MALRD1: variants seen among roughly 807,000 people sequenced by gnomAD.
The protein encoded by MALRD1 is MAM and LDL-receptor class A domain-containing protein 1.
Under a neutral mutation model 242.1 loss-of-function variants are expected in MALRD1, and 247 were observed. That is an observed-to-expected ratio of 1.02 (90% CI 0.92 to 1.13). The LOEUF (loss-of-function observed/expected upper bound fraction) is 1.13. MALRD1 is among the 50% of genes most tolerant of loss of function. MALRD1 has a pLI of 0.00. For synonymous variants in MALRD1, 995 were observed against 866.6 expected (o/e 1.15, Z -2.60); for missense variants, 2,989 against 2,533.1 (o/e 1.18, Z -3.86).
intron 35 of MALRD1, among the ~76,000 whole-genome samples, chr10:19,615,506 G>T: frequency 3.4e-5 from 1 of 29,656 alleles, no homozygotes; most frequent in Non-Finnish European, 4.9e-5. Flanking sequence ...GACAGAGCAA[G>T]ACCCTGCCTC....
chr10:19,707,990 T>C lies in MALRD1; in HGVS notation c.6314+15436T>C, dbSNP rs1465289386. Among the ~76,000 whole-genome samples, 93 of 118,360 alleles carry C rather than the reference T, an allele frequency of 7.9e-4. 9 individuals are homozygous for C. Among genetic ancestry groups the C allele is most frequent in the African/African-American group, 2.2e-3 (82 of 37,596 alleles). The allele number at this position is 118,360 out of a possible 152,430, so 77.6% of individuals were successfully genotyped here. A position where few individuals can be genotyped will look rare whatever the true frequency, so the allele number is the denominator to read the frequency against. The stretch of plus-strand genomic sequence containing the variant: ...TATGTATTATTTTTCATTATACCTT[T>C]AATATAAAATTTAATTATAAAATTA... On this transcript the variant is annotated intron_variant, in intron 38 of 39. Transcript: ENST00000454679.
rs146898931 is a variant in MALRD1 at position 19,511,504 on chromosome 10, C to T, written c.5320+12858C>T. Among the ~76,000 whole-genome samples the T allele has an allele frequency of 1.4e-4, 22 of 152,266 alleles. No homozygotes were observed. The East Asian group carries it at 1.5e-3, about 11-fold the overall frequency. On this transcript the variant is annotated intron_variant, in intron 31 of 39. Coordinates refer to ENST00000454679, the MANE Select transcript of MALRD1 (RefSeq NM_001142308.3). ...GGGTTATATATTTGTCTACAAAATG[C>T]CAAACTATTTTTTGTTGTTCTTATT...
chr10:19,714,742 G>A (rs1481735184), intron 38 of MALRD1, among the ~76,000 whole-genome samples: 1 of 152,078 alleles, frequency 6.6e-6, no homozygotes, highest in Non-Finnish European at 1.5e-5. Flanking sequence ...GCAAAACAGG[G>A]AACGTGAAGA....
chr10:19,178,784 C>T (rs891596893), intron 14 of MALRD1, among the ~76,000 whole-genome samples: 7 of 152,258 alleles, frequency 4.6e-5, no homozygotes, highest in Non-Finnish European at 5.9e-5. Flanking sequence ...CAGGAAGATA[C>T]GCGATTTTCC....
At chr10:19,329,836 A>T (rs1291628195) in intron 23 of MALRD1, among the ~76,000 whole-genome samples, 1 of 152,150 alleles carries the variant, frequency 6.6e-6, no homozygotes, top group African/African-American at 2.4e-5. Flanking sequence ...GGGAATCCCA[A>T]CCAACCTTAT....
chr10:19,653,721 C>T (rs1840995682), intron 36 of MALRD1, among the ~76,000 whole-genome samples: 1 of 151,970 alleles, frequency 6.6e-6, no homozygotes. Flanking sequence ...CTTCTGTAAG[C>T]AGGTAACTCA....
chr10:19,591,503 T>A (rs1033919024), intron 33 of MALRD1, among the ~76,000 whole-genome samples: 7 of 150,628 alleles, frequency 4.6e-5, no homozygotes, highest in Non-Finnish European at 8.9e-5. Flanking sequence ...TTTAGTTTTT[T>A]TTTTTTTTTT....
intron 22 of MALRD1, among the ~76,000 whole-genome samples, chr10:19,325,347 A>G (rs886864271): frequency 4.0e-5 from 6 of 151,766 alleles, no homozygotes; most frequent in African/African-American, 1.5e-4. Flanking sequence ...CCAAGATGTT[A>G]CAAACTTCAC....
intron 32 of MALRD1, among the ~76,000 whole-genome samples, chr10:19,561,704 G>T (rs1446657921): frequency 1.6e-5 from 2 of 121,268 alleles, no homozygotes; most frequent in African/African-American, 3.3e-5. Flanking sequence ...CTTTACAATT[G>T]CCTCTCAGCA....
At chr10:19,398,450 G>A (rs1023654557) in intron 28 of MALRD1, among the ~76,000 whole-genome samples, 5 of 152,038 alleles carry the variant, frequency 3.3e-5, no homozygotes, top group East Asian at 1.9e-4. Flanking sequence ...TTTTAAAGGC[G>A]TGATGAACAT....
At chr10:19,171,498 A>G (rs1028722627) in intron 13 of MALRD1, among the ~76,000 whole-genome samples, 12 of 140,026 alleles carry the variant, frequency 8.6e-5, no homozygotes, top group Non-Finnish European at 1.5e-4. Context: ...ACACACACAT[A>G]TATATGTGTC....
rs565440162 is a variant in MALRD1 at position 19,490,691 on chromosome 10, C to G, written c.5030-826C>G. Among the ~76,000 whole-genome samples the G allele has an allele frequency of 6.0e-5, 9 of 151,044 alleles. No homozygotes were observed. In the East Asian group the frequency reaches 1.8e-3, roughly 30 times the overall value. ...ATATCAAATTAAATTCAGATCATCA[C>G]GCAAAAGACACAATACATGCTATTT... is the stretch of plus-strand genomic sequence containing the variant. On this transcript the variant is annotated intron_variant, in intron 29 of 39. Coordinates refer to ENST00000454679, the MANE Select transcript of MALRD1 (RefSeq NM_001142308.3).
At chr10:19,466,258 T>C (rs970012781) in intron 29 of MALRD1, among the ~76,000 whole-genome samples, 1 of 152,156 alleles carries the variant, frequency 6.6e-6, no homozygotes, top group African/African-American at 2.4e-5. Flanking sequence ...AATATGTTTT[T>C]CTTGATTTTC....
intron 33 of MALRD1, among the ~76,000 whole-genome samples, chr10:19,588,081 A>G (rs1837537579): frequency 6.6e-6 from 1 of 152,148 alleles, no homozygotes; most frequent in Admixed American, 6.5e-5. Context: ...AAAGACCTGT[A>G]GGATGCATAT....
At chr10:19,243,678 C>T (rs1838906559) in intron 18 of MALRD1, among the ~76,000 whole-genome samples, 2 of 152,106 alleles carry the variant, frequency 1.3e-5, no homozygotes, top group Admixed American at 1.3e-4. Flanking sequence ...AACCAACACT[C>T]TTGGGTCTTT....
rs999859527 is a variant in MALRD1, at chr10:19,595,135, A to G, written c.5681-59A>G. On this transcript the variant is annotated intron_variant, in intron 33 of 39. Coordinates refer to ENST00000454679, the MANE Select transcript of MALRD1 (RefSeq NM_001142308.3). ...AAGAAATGCAACCTGTAATGTCCCA[A>G]CACTGGATGGAGGGAAACTCCCTAA... The G allele has an allele frequency of 2.0e-5, 29 of 1,479,034 alleles. 1 individual carries two copies. In the Admixed American group the frequency reaches 5.9e-4, roughly 30 times the overall value. 91.6% of individuals were successfully genotyped at this position (1,479,034 alleles called of 1,614,324 possible). A position where few individuals can be genotyped will look rare whatever the true frequency, so the allele number is the denominator to read the frequency against.
chr10:19,730,928 G>T (rs1297838489), intron 39 of MALRD1, 147 bp downstream of exon 39: 2 of 753,606 alleles, frequency 2.7e-6, no homozygotes, highest in African/African-American at 3.5e-5. Context: ...TTCAATTGGG[G>T]ATAGAAAGGA....
At chr10:19,113,910 C>T (rs1302480721) in intron 5 of MALRD1, among the ~76,000 whole-genome samples, 1 of 152,072 alleles carries the variant, frequency 6.6e-6, no homozygotes, top group Non-Finnish European at 1.5e-5. Context: ...AGTTCCTACC[C>T]TGTCTAATTC....
chr10:19,576,649 C>T (rs757938326), intron 33 of MALRD1, among the ~76,000 whole-genome samples: 9 of 152,154 alleles, frequency 5.9e-5, no homozygotes, highest in Non-Finnish European at 1.3e-4. Context: ...TCCCATCAAA[C>T]AGGATCATTT....
Sources: allele counts gnomAD v4.1 joint callset (sites outside exome capture counted in the v4.1 genomes callset), GRCh38; gene constraint gnomAD v4.1.1; transcripts MANE v1.5; gene names NCBI Gene and HGNC (gene_info 2026-07-23, HGNC 2026-07-21).